The following NEB variants were observed in gnomAD, a reference collection of about 807,000 sequenced individuals.
NEB encodes the protein nemaline myopathy type 2.
A neutral mutation model predicts 952.2 loss-of-function variants in NEB; 512 were observed. That is an observed-to-expected ratio of 0.54 (90% CI 0.50 to 0.58). The LOEUF (loss-of-function observed/expected upper bound fraction) is 0.58. NEB is among the 20% of genes least tolerant of loss of function. The pLI is 0.00. For missense variants in NEB, 8,428 were observed against 9,231.1 expected (o/e 0.91, Z 3.56); for synonymous variants, 2,900 against 3,149.8 (o/e 0.92, Z 2.66).
In NEB at chr2:151,568,622, T is replaced by C. The variant is rs1205439793; in HGVS notation, c.17630A>G (p.Asp5877Gly). The change falls in exon 111 of 182, where the codon GAT becomes GGT. Residue 5877 changes from aspartate (D) to glycine (G), a missense_variant. Asp to Gly is a moderately conservative substitution (Grantham distance 94). Coordinates refer to ENST00000397345, the MANE Select transcript of NEB (RefSeq NM_001164508.2). ...TTAAAACAGCCATATACTTACATCA[T>C]CGAGGATCTCGCCACTTTGTTTCGC... is the stretch of plus-strand genomic sequence containing the variant. ...VTAKQSGEIL[D>G]DIKYRKDWNA... is the part of the protein sequence containing the mutation. 3.7e-6 allele frequency: 6 copies of C among 1,604,040 alleles called. No homozygotes were observed. The highest frequency in any genetic ancestry group is 5.1e-6 in the Non-Finnish European group (6 of 1,174,206).
Position 151,678,064 on chromosome 2 carries a change from T to C in NEB, c.3379A>G (p.Lys1127Glu), listed in dbSNP as rs1180667550. Residue 1127 changes from lysine to glutamate, a missense_variant, in exon 33 of 182, where the codon AAA becomes GAA. Physicochemically the swap from Lys to Glu is moderately conservative, Grantham distance 56. Transcript: ENST00000397345. ...GACTTTGTCTTCTCATAGTCTTTTT[T>C]ATACTCCCGATCTGATTGTATCTTG... ...VAKIQSDREY[K>E]KDYEKTKSKY... is the part of the protein sequence containing the mutation. 6.8e-6 allele frequency: 11 copies of C among 1,613,862 alleles called. No homozygotes were observed. The highest frequency in any genetic ancestry group is 4.5e-5 in the East Asian group (2 of 44,896).
intron 10 of NEB, 38 bp downstream of exon 10, chr2:151,717,378 T>A (rs774107012): frequency 1.6e-5 from 20 of 1,285,016 alleles, no homozygotes; most frequent in Non-Finnish European, 2.1e-5. Context: ...TTAAGCAGAG[T>A]CTTCAAGGGA....
At chr2:151,517,381 C>T (rs1423421467) in intron 156 of NEB, among the ~76,000 whole-genome samples, 1 of 152,218 alleles carries the variant, frequency 6.6e-6, no homozygotes, top group African/African-American at 2.4e-5. Flanking sequence ...TACTGCCCTA[C>T]AGAAGACACG....
intron 71 of NEB, among the ~76,000 whole-genome samples, chr2:151,622,889 T>C (rs544220811): frequency 6.6e-6 from 1 of 152,208 alleles, no homozygotes; most frequent in Non-Finnish European, 1.5e-5. Context: ...GAGTAGCATT[T>C]AGTTCTCTAG....
At chr2:151,547,596 T>G (rs748373113) in intron 132 of NEB, 38 bp downstream of exon 132, 2 of 1,603,810 alleles carry the variant, frequency 1.2e-6, no homozygotes, top group Non-Finnish European at 1.7e-6. Context: ...CATTCATCCC[T>G]AGTCTCTACT....
intron 52 of NEB, among the ~76,000 whole-genome samples, chr2:151,651,779 T>C (rs2099032514): frequency 6.6e-6 from 1 of 152,242 alleles, no homozygotes; most frequent in African/African-American, 2.4e-5. Flanking sequence ...CCCAGCTTCA[T>C]TATTACATAT....
intron 125 of NEB, 84 bp from the exon 126 acceptor site, chr2:151,554,109 C>A: frequency 2.3e-6 from 3 of 1,302,704 alleles, no homozygotes; most frequent in South Asian, 1.2e-5. Context: ...GGCTAACCAA[C>A]TCACAGCGAA....
intron 20 of NEB, among the ~76,000 whole-genome samples, chr2:151,692,689 G>A (rs374287903): frequency 1.1e-3 from 162 of 152,090 alleles, no homozygotes; most frequent in African/African-American, 3.7e-3. Context: ...AATGAGTTTC[G>A]CTAGGTGCAG....
At chr2:151,705,294 G>C (rs2099700746) in intron 13 of NEB, among the ~76,000 whole-genome samples, 1 of 152,134 alleles carries the variant, frequency 6.6e-6, no homozygotes, top group Admixed American at 6.5e-5. Flanking sequence ...TGATAAAGCA[G>C]ATTATTGTCA....
At chr2:151,607,034 G>T (rs1263734098) in intron 83 of NEB, among the ~76,000 whole-genome samples, 2 of 95,940 alleles carry the variant, frequency 2.1e-5, no homozygotes, top group Non-Finnish European at 5.5e-5. Flanking sequence ...TCTTTATCAA[G>T]ATATCAGGTA....
In NEB at chr2:151,521,852, C is replaced by T. The variant is rs530914597; in HGVS notation, c.22480-2084G>A. Among the ~76,000 whole-genome samples, 5 of 152,314 alleles carry T rather than the reference C, an allele frequency of 3.3e-5. No individual in the cohort carries two copies. In the East Asian group the frequency reaches 9.6e-4, roughly 29 times the overall value. ...TACTAATATGAATCTGAGTTCAGCACTTTTGGCCTTCCTTTTTGACTGGAT... is the reference window on the plus strand; with the variant it reads ...TACTAATATGAATCTGAGTTCAGCATTTTTGGCCTTCCTTTTTGACTGGAT... On this transcript the variant is annotated intron_variant, in intron 153 of 181. Transcript: ENST00000397345.
At chr2:151,660,362 A>ATG (rs2154162233) in intron 46 of NEB, among the ~76,000 whole-genome samples, 1 of 151,874 alleles carries the variant, frequency 6.6e-6, no homozygotes, top group South Asian at 2.1e-4. Flanking sequence ...TCTTGTGTGT[A>ATG]TGTATGTATG....
chr2:151,615,250 A>C (rs1260952428), intron 76 of NEB, among the ~76,000 whole-genome samples: 1 of 152,212 alleles, frequency 6.6e-6, no homozygotes, highest in Non-Finnish European at 1.5e-5. Context: ...ATAAACTTCT[A>C]AATTGATTGA....
rs1355249771 is a variant in NEB, at chr2:151,497,687, G to C, written c.24239C>G (p.Thr8080Ser). Reference protein sequence around the residue: ...VLYKENMGKGTPLPVTPEMER... With the variant: ...VLYKENMGKGSPLPVTPEMER... ...CATCTCGGGAGTGACAGGTAAAGGG[G>C]TTCCCTTGCCCATGTTTTCTTTGTA... The change falls in exon 171 of 182, where the codon ACC (threonine) becomes AGC (serine). Residue 8080 changes from threonine (T) to serine (S), a missense_variant. Transcript: ENST00000397345. 6.3e-7 allele frequency: 1 copy of C among 1,583,226 alleles called. No individual in the cohort carries two copies. The highest frequency in any genetic ancestry group is 8.6e-7 in the Non-Finnish European group (1 of 1,162,376).
chr2:151,728,739 T>G (rs1389537450), intron 4 of NEB, among the ~76,000 whole-genome samples: 1 of 152,238 alleles, frequency 6.6e-6, no homozygotes, highest in East Asian at 1.9e-4. Context: ...CATTTCACAG[T>G]ATCCTTCCCT....
At chr2:151,731,525 T>C (rs2099808733) in intron 3 of NEB, among the ~76,000 whole-genome samples, 1 of 152,224 alleles carries the variant, frequency 6.6e-6, no homozygotes. Context: ...CTTATGCTCA[T>C]GATCTTTTTT....
intron 181 of NEB, chr2:151,486,251 G>A (rs745437510): frequency 6.9e-5 from 17 of 245,226 alleles, no homozygotes; most frequent in Non-Finnish European, 1.3e-4. Flanking sequence ...ACAAAAGGAT[G>A]CTCAAAATTA....
chr2:151,515,234 TG>T (rs2077009755), intron 157 of NEB, among the ~76,000 whole-genome samples: 1 of 152,186 alleles, frequency 6.6e-6, no homozygotes, highest in African/African-American at 2.4e-5. Flanking sequence ...CTGAATCCTC[TG>T]TTGTCTCTTC....
rs530094480 is a variant in NEB, at chr2:151,672,850, C to T, written c.3988-170G>A. 2.0e-5 allele frequency among the ~76,000 whole-genome samples: 3 copies of T among 152,300 alleles called. No homozygotes were observed. In the East Asian group the frequency reaches 5.8e-4, roughly 29 times the overall value. The stretch of plus-strand genomic sequence containing the variant: ...TCAGTGAAAACATATATTGGAGTTA[C>T]AAGTGAGTGTCACGATAAATTCAAG... On this transcript the variant is annotated intron_variant, in intron 36 of 181. Coordinates refer to ENST00000397345, the MANE Select transcript of NEB (RefSeq NM_001164508.2).
Sources: allele counts gnomAD v4.1 joint callset (sites outside exome capture counted in the v4.1 genomes callset), GRCh38; gene constraint gnomAD v4.1.1; transcripts MANE v1.5; gene names NCBI Gene and HGNC (gene_info 2026-07-23, HGNC 2026-07-21).